The following PIGR variants were observed in gnomAD, a reference collection of about 807,000 sequenced individuals.
PIGR encodes the protein hepatocellular carcinoma associated protein TB6.
PIGR carries 22 observed loss-of-function variants against 69.5 expected under a neutral mutation model. That is an observed-to-expected ratio of 0.32 (90% CI 0.23 to 0.45). The LOEUF (loss-of-function observed/expected upper bound fraction) is 0.45, where lower values mean the gene tolerates loss of function less well. Among genes scored for constraint, PIGR ranks in the 20% least tolerant of loss-of-function variants. The pLI, the probability that PIGR is intolerant of heterozygous loss-of-function variation, is 1.00. For missense variants in PIGR, 885 were observed against 974.0 expected, an observed-to-expected ratio of 0.91 and a Z score of 1.22; for synonymous variants, 413 against 407.6, an observed-to-expected ratio of 1.01 and a Z score of -0.16.
chr1:206,943,876 T>A (rs930838934), intron 1 of PIGR, among the ~76,000 whole-genome samples: 1 of 152,202 alleles, frequency 6.6e-6, no homozygotes, highest in Non-Finnish European at 1.5e-5. Flanking sequence ...TTACATGTGT[T>A]AATGTGTTCC....
Position 206,939,411 on chromosome 1 carries a change from T to G in PIGR, c.96A>C (p.Glu32Asp). Residue 32 changes from glutamate (E) to aspartate (D), a missense_variant, in exon 3 of 11, where the codon GAA (glutamate) becomes GAC (aspartate). Physicochemically the swap from Glu to Asp is conservative, Grantham distance 45. Transcript: ENST00000356495. ...AGCACGTGATGGACACTGAGTTACCTTCCACACTATTCACCTCCTCGGGAC... is the reference window on the plus strand; with the variant it reads ...AGCACGTGATGGACACTGAGTTACCGTCCACACTATTCACCTCCTCGGGAC... ...IFGPEEVNSV[E>D]GNSVSITCYY... 1 of 1,613,572 alleles carries G rather than the reference T, an allele frequency of 6.2e-7. No homozygotes were observed. The highest frequency in any genetic ancestry group is 8.5e-7 in the Non-Finnish European group (1 of 1,179,476).
In PIGR at chr1:206,944,119, C is replaced by T. The variant is rs559216599; in HGVS notation, c.-54+2217G>A. 6.6e-5 allele frequency among the ~76,000 whole-genome samples: 10 copies of T among 152,294 alleles called. No homozygotes were observed. In the South Asian group the frequency reaches 1.5e-3, roughly 22 times the overall value. ...GAAGAAGCAGGATATTCAATCTTAG[C>T]GAACTGAGAATTTGTTCAGTTCTTT... On this transcript the variant is annotated intron_variant, in intron 1 of 10. Coordinates refer to ENST00000356495, the MANE Select transcript of PIGR (RefSeq NM_002644.4).
intron 1 of PIGR, among the ~76,000 whole-genome samples, chr1:206,944,479 A>T (rs1280750667): frequency 6.6e-6 from 1 of 152,168 alleles, no homozygotes; most frequent in African/African-American, 2.4e-5. Flanking sequence ...TCTCAAAAAA[A>T]TAAAAAATTA....
chr1:206,943,680 C>T (rs1680043031), intron 1 of PIGR, among the ~76,000 whole-genome samples: 2 of 152,158 alleles, frequency 1.3e-5, no homozygotes, highest in Admixed American at 6.5e-5. Flanking sequence ...TCTCAGGTTT[C>T]CCTCTTTTTC....
At position 206,932,515 on chromosome 1, in the gene PIGR, A is replaced by G. The variant is rs1347699918; in HGVS notation, c.1949T>C (p.Val650Ala). The G allele has an allele frequency of 6.2e-6, 10 of 1,613,658 alleles. No individual in the cohort carries two copies. The South Asian group carries it at 9.9e-5, about 16-fold the overall frequency. The change falls in exon 8 of 11, where the codon GTG (valine) becomes GCG (alanine). Residue 650 changes from valine (V) to alanine (A), a missense_variant. Physicochemically the swap from Val to Ala is moderately conservative, Grantham distance 64 (BLOSUM62 0). Coordinates refer to ENST00000356495, the MANE Select transcript of PIGR (RefSeq NM_002644.4). ...CACAGCCACGGCTCCCACTGCCAGC[A>G]CCAGGCCCAGGGGCACCAGGGTGGA... The part of the protein sequence containing the change: ...LVSTLVPLGL[V>A]LAVGAVAVGV...
At position 206,935,662 on chromosome 1, in the gene PIGR, C is replaced by A; in HGVS notation, c.1202G>T (p.Ser401Ile). 1 of 1,614,012 alleles carries A rather than the reference C, an allele frequency of 6.2e-7. No individual in the cohort carries two copies. Among genetic ancestry groups the A allele is most frequent in the Non-Finnish European group, 8.5e-7 (1 of 1,179,984 alleles). ...QNGRCPLLVD[S>I]EGWVKAQYEG... is the part of the protein sequence containing the mutation. ...GTACTGGGCCTTAACCCACCCCTCG[C>A]TGTCCACCAGCAGGGGGCAGCGGCC... Residue 401 changes from serine (S) to isoleucine (I), a missense_variant, in exon 5 of 11, where the codon AGC becomes ATC. By Grantham distance (142) the Ser-to-Ile change is moderately radical (BLOSUM62 -2). Coordinates refer to ENST00000356495, the MANE Select transcript of PIGR (RefSeq NM_002644.4). This position sits in a 1 kb window ranked among gnomAD's most constrained non-coding sequence, Gnocchi z 4.4.
At chr1:206,937,938 G>A (rs1266815120) in intron 3 of PIGR, among the ~76,000 whole-genome samples, 187 bp from the exon 4 acceptor site, 1 of 152,208 alleles carries the variant, frequency 6.6e-6, no homozygotes, top group African/African-American at 2.4e-5. Context: ...CCTTTCCCAA[G>A]CTAACACTAA....
At chr1:206,942,379 A>T (rs1015748237) in intron 1 of PIGR, among the ~76,000 whole-genome samples, 1 of 152,228 alleles carries the variant, frequency 6.6e-6, no homozygotes, top group Admixed American at 6.5e-5. Flanking sequence ...AGCAGCTTTC[A>T]GGAGGCCAGG....
rs1679886243 is a variant in PIGR at position 206,937,384 on chromosome 1, T to C, written c.756A>G (p.Ser252=). The C allele has an allele frequency of 6.2e-7, 1 of 1,614,008 alleles. No individual in the cohort carries two copies. The change falls in exon 4 of 11, where the codon TCA becomes TCG. Residue 252 remains serine (S), a synonymous_variant. Transcript: ENST00000356495. ...PELVYEDLRG[S]VTFHCALGPE... is the part of the protein sequence containing the mutation. ...GGCCCAGGGCACAGTGGAAGGTCAC[T>C]GAGCCCCTCAGGTCTTCATAAACCA...
intron 2 of PIGR, among the ~76,000 whole-genome samples, chr1:206,940,155 T>C (rs976346858): frequency 6.6e-6 from 1 of 152,238 alleles, no homozygotes; most frequent in Admixed American, 6.5e-5. Context: ...GATAAAAATA[T>C]TGAGAGCCAG....
At chr1:206,933,561 C>T (rs1679804519) in intron 6 of PIGR, among the ~76,000 whole-genome samples, 1 of 152,188 alleles carries the variant, frequency 6.6e-6, no homozygotes, top group African/African-American at 2.4e-5. Context: ...TGAGTCCCAT[C>T]CGCAGGGTCC....
chr1:206,941,681 G>A (rs918642726), intron 1 of PIGR, among the ~76,000 whole-genome samples: 11 of 152,226 alleles, frequency 7.2e-5, no homozygotes, highest in South Asian at 2.1e-4. Flanking sequence ...CCACTCAGAC[G>A]GAGCAGCCTG....
intron 4 of PIGR, among the ~76,000 whole-genome samples, chr1:206,936,421 G>A (rs1398026902): frequency 6.6e-6 from 1 of 152,056 alleles, no homozygotes; most frequent in African/African-American, 2.4e-5. Flanking sequence ...ATGGCATGCA[G>A]AGAATATAAG....
rs201106224 is a variant in PIGR at position 206,940,545 on chromosome 1, C to T, written c.-14G>A. Reference sequence around the variant, plus strand: ...GAAGAGCAGCATTGCTGGTGGGTCCCGAGCGCCGCACCACTCAGGCCGACT... The same window carrying T: ...GAAGAGCAGCATTGCTGGTGGGTCCTGAGCGCCGCACCACTCAGGCCGACT... On this transcript the variant is annotated 5_prime_UTR_variant, in exon 2 of 11. Coordinates refer to ENST00000356495, the MANE Select transcript of PIGR (RefSeq NM_002644.4). The T allele has an allele frequency of 4.8e-5, 75 of 1,550,900 alleles. No homozygotes were observed. Among genetic ancestry groups the T allele is most frequent in the East Asian group, 2.7e-4 (11 of 40,876 alleles).
At chr1:206,940,206 A>G (rs1160094896) in intron 2 of PIGR, among the ~76,000 whole-genome samples, 1 of 152,194 alleles carries the variant, frequency 6.6e-6, no homozygotes, top group African/African-American at 2.4e-5. Context: ...AGCGGGTCAT[A>G]GAGATGCTTG....
intron 5 of PIGR, among the ~76,000 whole-genome samples, chr1:206,934,955 C>A (rs1337832172): frequency 6.6e-6 from 1 of 152,170 alleles, no homozygotes; most frequent in Non-Finnish European, 1.5e-5. Context: ...ATCTCCTGGG[C>A]TCAAGCAATC....
In PIGR at chr1:206,935,874, G is replaced by T. The variant is rs750364969; in HGVS notation, c.1046-56C>A. 7.2e-7 allele frequency: 1 copy of T among 1,381,614 alleles called. No individual in the cohort carries two copies. Among genetic ancestry groups the T allele is most frequent in the Non-Finnish European group, 9.9e-7 (1 of 1,008,892 alleles). The allele number at this position is 1,381,614 out of a possible 1,614,324, so 85.6% of individuals were successfully genotyped here. ...GATGGCCACGCAGGAAGAGCCTTGC[G>T]TGGCCTGAGAAGCCTTCTTCCCGGG... On this transcript the variant is annotated intron_variant, in intron 4 of 10. Coordinates refer to ENST00000356495, the MANE Select transcript of PIGR (RefSeq NM_002644.4). This position sits in a 1 kb window ranked among gnomAD's most constrained non-coding sequence, Gnocchi z 4.4.
At chr1:206,931,063 A>G in intron 10 of PIGR, 20 of 985,412 alleles carry the variant, frequency 2.0e-5, no homozygotes, top group Non-Finnish European at 2.4e-5. Context: ...CAAACTGCCC[A>G]CCGCAAGCAA....
At chr1:206,931,859 G>A (rs1679760445) in intron 8 of PIGR, 57 bp from the exon 9 acceptor site, 13 of 1,604,768 alleles carry the variant, frequency 8.1e-6, no homozygotes, top group Middle Eastern at 1.9e-4. Context: ...TAGAAGGCCA[G>A]GCTGGGCTGC....
Sources: allele counts gnomAD v4.1 joint callset (sites outside exome capture counted in the v4.1 genomes callset), GRCh38; gene constraint gnomAD v4.1.1; non-coding constraint Gnocchi (gnomAD v3.1); transcripts MANE v1.5; gene names NCBI Gene and HGNC (gene_info 2026-07-23, HGNC 2026-07-21).